The following PLCB1 variants were observed in gnomAD, a reference collection of about 807,000 sequenced individuals.
PLCB1 encodes 1-phosphatidylinositol 4,5-bisphosphate phosphodiesterase beta-1.
PLCB1 carries 46 observed loss-of-function variants against 161.8 expected under a neutral mutation model. The observed-to-expected ratio is 0.28, with a 90% CI of 0.22 to 0.36. The LOEUF is 0.36. Among genes scored for constraint, PLCB1 ranks in the 10% least tolerant of loss-of-function variants. PLCB1 has a pLI of 1.00. For synonymous variants in PLCB1, 517 were observed against 503.7 expected, an observed-to-expected ratio of 1.03 and a Z score of -0.35; for missense variants, 1,016 against 1,472.5, an observed-to-expected ratio of 0.69 and a Z score of 5.07.
intron 9 of PLCB1, among the ~76,000 whole-genome samples, chr20:8,662,753 C>G (rs1989714658): frequency 6.6e-6 from 1 of 151,582 alleles, no homozygotes; most frequent in Non-Finnish European, 1.5e-5. Context: ...AGCAAAGGCC[C>G]ACACCGAGTA....
chr20:8,243,834 A>C (rs1278269664), intron 2 of PLCB1, among the ~76,000 whole-genome samples: 2 of 151,942 alleles, frequency 1.3e-5, no homozygotes, highest in African/African-American at 4.8e-5. Flanking sequence ...TTCTAATACC[A>C]CCAAAGTGGT....
intron 3 of PLCB1, among the ~76,000 whole-genome samples, chr20:8,525,367 G>A (rs998920540): frequency 4.6e-5 from 7 of 152,220 alleles, no homozygotes; most frequent in Non-Finnish European, 1.5e-5. Flanking sequence ...CATTTTCAAG[G>A]TTTGCATTTA....
At chr20:8,648,440 T>C (rs1960489785) in intron 6 of PLCB1, among the ~76,000 whole-genome samples, 1 of 152,176 alleles carries the variant, frequency 6.6e-6, no homozygotes, top group South Asian at 2.1e-4. Context: ...ATCTCCACCA[T>C]ATATCCTGTG....
At chr20:8,557,515 G>A (rs1986002647) in intron 3 of PLCB1, among the ~76,000 whole-genome samples, 1 of 151,964 alleles carries the variant, frequency 6.6e-6, no homozygotes, top group Non-Finnish European at 1.5e-5. Context: ...GAGGCAGAGT[G>A]GCAGTTGCCA....
At chr20:8,176,948 T>C (rs1437509476) in intron 2 of PLCB1, among the ~76,000 whole-genome samples, 1 of 152,182 alleles carries the variant, frequency 6.6e-6, no homozygotes, top group African/African-American at 2.4e-5. Context: ...TAAGAGTTTT[T>C]CATAATATAT....
intron 3 of PLCB1, among the ~76,000 whole-genome samples, chr20:8,548,981 C>T (rs994058167): frequency 7.9e-5 from 12 of 152,016 alleles, no homozygotes; most frequent in Non-Finnish European, 1.6e-4. Flanking sequence ...TCCCTGAAGA[C>T]TGAAAGAAAT....
intron 2 of PLCB1, among the ~76,000 whole-genome samples, chr20:8,155,948 A>G (rs118140751): frequency 6.6e-6 from 1 of 152,280 alleles, no homozygotes; most frequent in Non-Finnish European, 1.5e-5. Flanking sequence ...TGTGTCAGTC[A>G]TTGTTGACTA....
chr20:8,275,250 A>AGTGAGT (rs1982476110), intron 2 of PLCB1, among the ~76,000 whole-genome samples: 1 of 145,372 alleles, frequency 6.9e-6, no homozygotes, highest in Non-Finnish European at 1.5e-5. Context: ...CATCAGCGTG[A>AGTGAGT]GTGTGTGTGT....
In PLCB1 at chr20:8,790,157, C is replaced by T; in HGVS notation, c.3337-18C>T. 1 of 1,575,680 alleles carries T rather than the reference C, an allele frequency of 6.3e-7. No homozygotes were observed. The highest frequency in any genetic ancestry group is 8.7e-7 in the Non-Finnish European group (1 of 1,148,348). On this transcript the variant is annotated intron_variant, in intron 30 of 31. Coordinates refer to ENST00000338037, the MANE Select transcript of PLCB1 (RefSeq NM_015192.4). ...AAATGTTTAGATGAAAGTAATGTTT[C>T]TTGTAACTTTCTTATAGCTAGAAGA...
At chr20:8,545,634 C>T (rs1254390608) in intron 3 of PLCB1, among the ~76,000 whole-genome samples, 1 of 152,052 alleles carries the variant, frequency 6.6e-6, no homozygotes, top group African/African-American at 2.4e-5. Flanking sequence ...ATTGGCTGGA[C>T]CTTAAAACCA....
intron 31 of PLCB1, among the ~76,000 whole-genome samples, chr20:8,840,515 A>T (rs1490109628): frequency 6.6e-6 from 1 of 152,188 alleles, no homozygotes; most frequent in East Asian, 1.9e-4. Context: ...TGCCTGGCAA[A>T]GGTGGGACGT....
At chr20:8,299,547 T>TC (rs1983800275) in intron 2 of PLCB1, among the ~76,000 whole-genome samples, 1 of 152,214 alleles carries the variant, frequency 6.6e-6, no homozygotes, top group Non-Finnish European at 1.5e-5. Flanking sequence ...GTTTCTTCCA[T>TC]ATGCCCCTTT....
chr20:8,277,806 C>G (rs1338738817), intron 2 of PLCB1, among the ~76,000 whole-genome samples: 2 of 152,060 alleles, frequency 1.3e-5, no homozygotes, highest in Non-Finnish European at 2.9e-5. Flanking sequence ...AAACTACAAC[C>G]CAATACCAAT....
intron 3 of PLCB1, among the ~76,000 whole-genome samples, chr20:8,489,186 A>AG (rs1982847018): frequency 6.6e-6 from 1 of 152,058 alleles, no homozygotes; most frequent in South Asian, 2.1e-4. Flanking sequence ...GGGAGATGAA[A>AG]GGGGGGTTAG....
intron 2 of PLCB1, among the ~76,000 whole-genome samples, chr20:8,346,237 T>C (rs2122240678): frequency 6.6e-6 from 1 of 152,302 alleles, no homozygotes; most frequent in Middle Eastern, 3.4e-3. Context: ...CTGTGTTTTC[T>C]CTCCCTCCAT....
chr20:8,471,939 G>A (rs968358941), intron 3 of PLCB1, among the ~76,000 whole-genome samples: 2 of 152,098 alleles, frequency 1.3e-5, no homozygotes, highest in African/African-American at 4.8e-5. Flanking sequence ...TCTAAAAATA[G>A]GAATTAATAG....
chr20:8,723,124 A>C (rs1351209054), intron 15 of PLCB1, among the ~76,000 whole-genome samples: 1 of 152,208 alleles, frequency 6.6e-6, no homozygotes, highest in African/African-American at 2.4e-5. Context: ...AAAATGAAAC[A>C]AAAAATAAGC....
chr20:8,480,515 C>T (rs1982457477), intron 3 of PLCB1, among the ~76,000 whole-genome samples: 1 of 152,056 alleles, frequency 6.6e-6, no homozygotes, highest in Non-Finnish European at 1.5e-5. Flanking sequence ...AGCTAGTTTG[C>T]CTAGTGTAGC....
intron 3 of PLCB1, among the ~76,000 whole-genome samples, chr20:8,489,410 A>G (rs569477300): frequency 2.6e-5 from 4 of 152,326 alleles, no homozygotes; most frequent in Admixed American, 6.5e-5. Context: ...TTTCAGCTCA[A>G]TGACCTAGTT....
Sources: allele counts gnomAD v4.1 joint callset (sites outside exome capture counted in the v4.1 genomes callset), GRCh38; gene constraint gnomAD v4.1.1; transcripts MANE v1.5; gene names NCBI Gene and HGNC (gene_info 2026-07-23, HGNC 2026-07-21).